The following LYZL2 variants were observed in gnomAD, a reference collection of about 807,000 sequenced individuals.
The protein encoded by LYZL2 is lysozyme like 2.
Under a neutral mutation model 17.1 loss-of-function variants are expected in LYZL2, and 13 were observed. The ratio of observed to expected loss-of-function variants is 0.76; its 90% CI spans 0.49 to 1.21. LYZL2 has a LOEUF of 1.21. LYZL2 is among the 50% of genes most tolerant of loss of function. The pLI, the probability that LYZL2 is intolerant of heterozygous loss-of-function variation, is 0.00. For missense variants in LYZL2, 166 were observed against 189.2 expected, an observed-to-expected ratio of 0.88 and a Z score of 0.72; for synonymous variants, 63 against 74.4, an observed-to-expected ratio of 0.85 and a Z score of 0.79.
chr10:30,613,028 C>T (rs1201409132), intron 3 of LYZL2, 128 bp from the exon 4 acceptor site: 6 of 665,664 alleles, frequency 9.0e-6, no homozygotes, highest in Non-Finnish European at 1.6e-5. Flanking sequence ...ATTTTCCCTG[C>T]AAAGCCACAA....
intron 3 of LYZL2, among the ~76,000 whole-genome samples, chr10:30,621,924 G>A (rs1374000102): frequency 2.6e-5 from 4 of 152,080 alleles, no homozygotes; most frequent in Admixed American, 2.6e-4. Context: ...TTATAAAAAT[G>A]CATTGTGAGG....
chr10:30,614,607 C>T (rs1838499318), intron 3 of LYZL2, among the ~76,000 whole-genome samples: 1 of 152,190 alleles, frequency 6.6e-6, no homozygotes, highest in Non-Finnish European at 1.5e-5. Context: ...ATACTCAAAC[C>T]ACTTGATCTC....
downstream of LYZL2, among the ~76,000 whole-genome samples, chr10:30,607,398 C>T (rs1262116246): frequency 4.6e-5 from 7 of 151,952 alleles, no homozygotes; most frequent in African/African-American, 1.5e-4. Flanking sequence ...ACTGCAGCTT[C>T]GTGTAAGGAA....
At chr10:30,619,640 A>G (rs1838588341) in intron 3 of LYZL2, among the ~76,000 whole-genome samples, 2 of 149,054 alleles carry the variant, frequency 1.3e-5, no homozygotes, top group African/African-American at 5.0e-5. Flanking sequence ...GAACACATGG[A>G]CACAGGAAGG....
chr10:30,625,787 G>A (rs1838691755), intron 3 of LYZL2, among the ~76,000 whole-genome samples: 1 of 152,230 alleles, frequency 6.6e-6, no homozygotes, highest in South Asian at 2.1e-4. Context: ...AAAGCAGCTG[G>A]CAGGCAGCTT....
intron 3 of LYZL2, among the ~76,000 whole-genome samples, chr10:30,619,294 A>T (rs1838582798): frequency 6.6e-6 from 1 of 152,214 alleles, no homozygotes; most frequent in Non-Finnish European, 1.5e-5. Flanking sequence ...CTAGAACTAG[A>T]AATACCATTT....
chr10:30,621,570 C>T (rs1838619968), intron 3 of LYZL2, among the ~76,000 whole-genome samples: 1 of 152,080 alleles, frequency 6.6e-6, no homozygotes, highest in African/African-American at 2.4e-5. Context: ...TGTTCTGAGA[C>T]AGAGCACGAC....
rs1329061166 is a variant in LYZL2 at position 30,612,653 on chromosome 10, A to G, written c.377+169T>C. On this transcript the variant is annotated intron_variant, in intron 4 of 4. Coordinates refer to ENST00000647634, the MANE Select transcript of LYZL2 (RefSeq NM_183058.3). ...CTCTGCTCCCTTTCTATGTACTACT[A>G]TGTTCACTGCACACCCACACACTGA... is the stretch of plus-strand genomic sequence containing the variant. Among the ~76,000 whole-genome samples, 7 of 152,182 alleles carry G rather than the reference A, an allele frequency of 4.6e-5. No homozygotes were observed. The South Asian group carries it at 1.4e-3, about 31-fold the overall frequency.
chr10:30,614,024 C>T (rs1031406039), intron 3 of LYZL2, among the ~76,000 whole-genome samples: 3 of 149,698 alleles, frequency 2.0e-5, no homozygotes, highest in African/African-American at 7.5e-5. Context: ...ATTATTTTTT[C>T]TATTGCTTCA....
rs1282691446 is a variant in LYZL2 at position 30,626,900 on chromosome 10, T to C, written c.16A>G (p.Ile6Val). The change falls in exon 2 of 5, where the codon ATT becomes GTT. Residue 6 changes from isoleucine to valine, a missense_variant. Around this residue, in one of 2 missense-constraint regions of LYZL2, gnomAD observed 32 missense variants for 59.8 expected, o/e 0.53. Transcript: ENST00000647634. MKAAG[I>V]LTLIGCLVTG... is the part of the protein sequence containing the mutation. Reference sequence around the variant, plus strand: ...ACCAGGCAGCCAATGAGGGTCAGAATGCCCGCAGCCTTCATCCTCAAAGCC... The same window carrying C: ...ACCAGGCAGCCAATGAGGGTCAGAACGCCCGCAGCCTTCATCCTCAAAGCC... 5.0e-6 allele frequency: 8 copies of C among 1,613,864 alleles called. No homozygotes were observed. The highest frequency in any genetic ancestry group is 1.7e-6 in the Non-Finnish European group (2 of 1,179,862).
intron 3 of LYZL2, among the ~76,000 whole-genome samples, chr10:30,619,294 A>C (rs1838582798): frequency 6.6e-6 from 1 of 152,332 alleles, no homozygotes; most frequent in Non-Finnish European, 1.5e-5. Flanking sequence ...CTAGAACTAG[A>C]AATACCATTT....
downstream of LYZL2, among the ~76,000 whole-genome samples, chr10:30,608,987 G>A (rs535478940): frequency 6.6e-6 from 1 of 152,192 alleles, no homozygotes; most frequent in African/African-American, 2.4e-5. Context: ...CTACAGGTGT[G>A]CACCACCACA....
At chr10:30,620,322 C>T (rs748898160) in intron 3 of LYZL2, among the ~76,000 whole-genome samples, 4 of 152,210 alleles carry the variant, frequency 2.6e-5, no homozygotes, top group Non-Finnish European at 4.4e-5. Context: ...TCTTCCCACC[C>T]GCTTATGAGT....
downstream of LYZL2, among the ~76,000 whole-genome samples, chr10:30,610,083 A>G (rs1346154065): frequency 6.6e-6 from 1 of 151,876 alleles, no homozygotes; most frequent in Non-Finnish European, 1.5e-5. Context: ...GTCTTAGGCC[A>G]CAAATAAAAT....
the LYZL2 span, among the ~76,000 whole-genome samples, chr10:30,606,318 A>G: frequency 6.6e-6 from 1 of 151,708 alleles, no homozygotes; most frequent in Non-Finnish European, 1.5e-5. Context: ...AAAATCATAG[A>G]GAAGGAAAAA....
intron 3 of LYZL2, among the ~76,000 whole-genome samples, chr10:30,618,504 C>T (rs1246865474): frequency 6.6e-6 from 1 of 152,104 alleles, no homozygotes; most frequent in Non-Finnish European, 1.5e-5. Context: ...CAGAACAGAG[C>T]CCTCAGAAAT....
downstream of LYZL2, among the ~76,000 whole-genome samples, chr10:30,610,018 A>G (rs16931782): frequency 0.14 from 22,050 of 152,170 alleles, 1,734 homozygotes; most frequent in East Asian, 0.24. Context: ...CAGTTTTCCA[A>G]TCAGGGGTAT....
intron 3 of LYZL2, among the ~76,000 whole-genome samples, chr10:30,625,596 G>A (rs142285642): frequency 6.6e-6 from 1 of 152,128 alleles, no homozygotes; most frequent in African/African-American, 2.4e-5. Context: ...AGGAGGGAAG[G>A]TTGCTTGAGT....
chr10:30,606,728 C>T, the LYZL2 span, among the ~76,000 whole-genome samples: 1 of 152,042 alleles, frequency 6.6e-6, no homozygotes, highest in Non-Finnish European at 1.5e-5. Flanking sequence ...TCAAGGGCGC[C>T]CTGTCTACTC....
Sources: gnomAD v4.1 joint callset for allele counts (sites outside exome capture counted in the v4.1 genomes callset) on GRCh38, gnomAD v4.1.1 for gene constraint, gnomAD v4.1.1 regional missense constraint, MANE v1.5 for transcripts, NCBI Gene and HGNC (gene_info 2026-07-23, HGNC 2026-07-21) for gene names.